FGF12: variants seen among roughly 807,000 people sequenced by gnomAD.
FGF12 encodes fibroblast growth factor 12.
In FGF12, 14 loss-of-function variants were observed where a neutral mutation model predicts 23.6. That is an observed-to-expected ratio of 0.59 (90% CI 0.39 to 0.93). The LOEUF is 0.93. FGF12 is among the 40% of genes least tolerant of loss of function. The pLI, the probability that FGF12 is intolerant of heterozygous loss-of-function variation, is 0.00. For synonymous variants in FGF12, 62 were observed against 77.3 expected (o/e 0.80, Z 1.04); for missense variants, 175 against 217.8 (o/e 0.80, Z 1.24).
At chr3:192,171,408 A>C (rs1468035631) in intron 4 of FGF12, among the ~76,000 whole-genome samples, 2 of 152,240 alleles carry the variant, frequency 1.3e-5, no homozygotes, top group East Asian at 1.9e-4. Context: ...ATTAATTCAA[A>C]TACACATTTA....
intron 2 of FGF12, among the ~76,000 whole-genome samples, chr3:192,636,115 C>T (rs534564611): frequency 2.0e-5 from 3 of 152,132 alleles, no homozygotes; most frequent in East Asian, 1.9e-4. Flanking sequence ...AATAGAAATC[C>T]TTGATGTACT....
chr3:192,485,592 C>T (rs1384149617), intron 2 of FGF12, among the ~76,000 whole-genome samples: 1 of 152,078 alleles, frequency 6.6e-6, no homozygotes, highest in Non-Finnish European at 1.5e-5. Flanking sequence ...TTCAGTAATG[C>T]TGTCTTATTA....
intron 2 of FGF12, among the ~76,000 whole-genome samples, chr3:192,554,157 G>A (rs1711655059): frequency 6.6e-6 from 1 of 152,218 alleles, no homozygotes; most frequent in South Asian, 2.1e-4. Context: ...AAATAGAGCT[G>A]GGCAGATTGC....
chr3:192,196,858 AT>A (rs371298121), intron 4 of FGF12, among the ~76,000 whole-genome samples: 16,270 of 149,156 alleles, frequency 0.11, 996 homozygotes, highest in East Asian at 0.16. Flanking sequence ...AAAGACAAGT[AT>A]TTTTTTTTTT....
intron 5 of FGF12, among the ~76,000 whole-genome samples, chr3:192,147,322 A>G (rs565317295): frequency 6.6e-6 from 1 of 152,324 alleles, no homozygotes; most frequent in East Asian, 1.9e-4. Context: ...GAATTACAAT[A>G]TAATTTAAAG....
rs186546832 is a variant in FGF12, at chr3:192,168,331, C to T, written c.427+2127G>A. ...TTCCCTGTGAAAATATTACTTACTT[C>T]TCAGGTACCCTTTGCTTAACCCTAA... is the stretch of plus-strand genomic sequence containing the variant. On this transcript the variant is annotated intron_variant, in intron 5 of 5. Transcript: ENST00000445105. Among the ~76,000 whole-genome samples, 1,408 of 152,238 alleles carry T rather than the reference C, an allele frequency of 9.2e-3. 12 individuals carry two copies. Among genetic ancestry groups the T allele is most frequent in the Non-Finnish European group, 0.015 (1,000 of 68,018 alleles).
intron 2 of FGF12, among the ~76,000 whole-genome samples, chr3:192,381,092 A>G (rs549875625): frequency 5.3e-5 from 8 of 152,066 alleles, no homozygotes; most frequent in Non-Finnish European, 1.0e-4. Context: ...CAATCACAGT[A>G]TATCTCAGTT....
intron 2 of FGF12, among the ~76,000 whole-genome samples, chr3:192,407,196 G>A (rs1369208176): frequency 1.3e-5 from 2 of 152,300 alleles, no homozygotes; most frequent in East Asian, 1.9e-4. Flanking sequence ...CGGGGCTGCA[G>A]AAGAGAATTA....
chr3:192,432,609 C>A (rs1330488945), intron 2 of FGF12, among the ~76,000 whole-genome samples: 2 of 125,488 alleles, frequency 1.6e-5, no homozygotes, highest in Non-Finnish European at 3.1e-5. Flanking sequence ...GAGAGCATTG[C>A]TGACATCTGG....
At chr3:192,686,739 T>C (rs1252293078) in intron 2 of FGF12, among the ~76,000 whole-genome samples, 5 of 150,992 alleles carry the variant, frequency 3.3e-5, no homozygotes, top group South Asian at 2.1e-4. Context: ...AATATCTATA[T>C]GTAACAAAAC....
At chr3:192,148,507 A>G (rs1433498375) in intron 5 of FGF12, among the ~76,000 whole-genome samples, 1 of 152,174 alleles carries the variant, frequency 6.6e-6, no homozygotes, top group Non-Finnish European at 1.5e-5. Context: ...GAGATGAAAA[A>G]GTTCTGGAGT....
intron 2 of FGF12, among the ~76,000 whole-genome samples, chr3:192,509,289 C>T (rs536448674): frequency 2.0e-5 from 3 of 152,272 alleles, no homozygotes; most frequent in East Asian, 3.9e-4. Flanking sequence ...GCCCATGAGC[C>T]AGATGGGAGC....
At chr3:192,539,062 A>G (rs901737228) in intron 2 of FGF12, among the ~76,000 whole-genome samples, 1 of 152,164 alleles carries the variant, frequency 6.6e-6, no homozygotes, top group African/African-American at 2.4e-5. Flanking sequence ...GTTTTTCCAA[A>G]TAACAAAAAT....
chr3:192,677,065 C>T (rs1034800689), intron 2 of FGF12, among the ~76,000 whole-genome samples: 2 of 152,210 alleles, frequency 1.3e-5, no homozygotes, highest in East Asian at 3.8e-4. Flanking sequence ...TTTGCTCACC[C>T]TGTAGTGACT....
chr3:192,421,120 T>C (rs923601431), intron 2 of FGF12, among the ~76,000 whole-genome samples: 3 of 152,170 alleles, frequency 2.0e-5, no homozygotes, highest in Non-Finnish European at 2.9e-5. Flanking sequence ...TTGACAATGT[T>C]TAACTGACTC....
At chr3:192,460,699 T>C (rs1722839165) in intron 2 of FGF12, among the ~76,000 whole-genome samples, 1 of 149,808 alleles carries the variant, frequency 6.7e-6, no homozygotes, top group African/African-American at 2.4e-5. Context: ...TATATATATA[T>C]ATATATCCAC....
intron 2 of FGF12, among the ~76,000 whole-genome samples, chr3:192,693,789 T>C (rs1718020546): frequency 6.6e-6 from 1 of 152,108 alleles, no homozygotes; most frequent in Non-Finnish European, 1.5e-5. Context: ...GCCGTAAAAC[T>C]CCTAGAAGAA....
chr3:192,664,905 G>A (rs1577108014), intron 2 of FGF12, among the ~76,000 whole-genome samples: 1 of 152,188 alleles, frequency 6.6e-6, no homozygotes, highest in Non-Finnish European at 1.5e-5. Flanking sequence ...CTAACATTTA[G>A]TTTTTGTACA....
intron 2 of FGF12, among the ~76,000 whole-genome samples, chr3:192,659,849 G>A (rs1178013491): frequency 6.6e-6 from 1 of 152,158 alleles, no homozygotes; most frequent in Admixed American, 6.5e-5. Flanking sequence ...TAACTGGTGT[G>A]AGATGGTATC....
Sources: gnomAD v4.1 joint callset for allele counts (sites outside exome capture counted in the v4.1 genomes callset) on GRCh38, gnomAD v4.1.1 for gene constraint, MANE v1.5 for transcripts, NCBI Gene and HGNC (gene_info 2026-07-23, HGNC 2026-07-21) for gene names.